The following PPP2R5C variants were observed in gnomAD, a reference collection of about 807,000 sequenced individuals.
PPP2R5C encodes protein phosphatase 2 regulatory subunit B'gamma, also known as serine/threonine-protein phosphatase 2A 56 kDa regulatory subunit gamma isoform.
PPP2R5C carries 7 observed loss-of-function variants against 68.9 expected under a neutral mutation model. The observed-to-expected ratio is 0.10, with a 90% CI of 0.06 to 0.19. The LOEUF is 0.19. Among genes scored for constraint, PPP2R5C ranks in the 10% least tolerant of loss-of-function variants. PPP2R5C has a pLI of 1.00. For synonymous variants in PPP2R5C, 210 were observed against 222.2 expected (o/e 0.95, Z 0.49); for missense variants, 348 against 641.3 (o/e 0.54, Z 4.94).
chr14:101,869,711 G>A (rs2043274922), intron 2 of PPP2R5C, among the ~76,000 whole-genome samples: 1 of 152,182 alleles, frequency 6.6e-6, no homozygotes, highest in African/African-American at 2.4e-5. Context: ...CTGGAGTGCA[G>A]TGGCTCAATC....
intron 1 of PPP2R5C, 38 bp downstream of exon 1, chr14:101,761,958 G>A: frequency 1.7e-6 from 2 of 1,191,618 alleles, no homozygotes; most frequent in Non-Finnish European, 2.1e-6. Context: ...AGGGAGCAGG[G>A]AGGGACTGCC....
chr14:101,911,165 C>T (rs1239532887), intron 11 of PPP2R5C, among the ~76,000 whole-genome samples: 1 of 151,158 alleles, frequency 6.6e-6, no homozygotes, highest in African/African-American at 2.4e-5. Flanking sequence ...GTAGTCCCAG[C>T]TACTCGGGCT....
rs1448367825 is a variant in PPP2R5C at position 101,825,575 on chromosome 14, C to T, written c.94+15539C>T. Among the ~76,000 whole-genome samples the T allele has an allele frequency of 2.0e-5, 3 of 152,166 alleles. No homozygotes were observed. Among genetic ancestry groups the T allele is most frequent in the Non-Finnish European group, 4.4e-5 (3 of 68,032 alleles). Reference sequence around the variant, plus strand: ...AGGCGGAACTGTGCAGGTCAGTCACCACTCCACCTCCTAGCCAGGGTGTCA... The same window carrying T: ...AGGCGGAACTGTGCAGGTCAGTCACTACTCCACCTCCTAGCCAGGGTGTCA... On this transcript the variant is annotated intron_variant, in intron 1 of 13. Coordinates refer to ENST00000334743, the Ensembl canonical transcript of PPP2R5C. This position sits in a 1 kb window ranked among gnomAD's most constrained non-coding sequence, Gnocchi z 4.0.
upstream of PPP2R5C, among the ~76,000 whole-genome samples, chr14:101,805,593 TAC>T (rs1234775733): frequency 6.6e-6 from 1 of 152,232 alleles, no homozygotes; most frequent in Non-Finnish European, 1.5e-5. Flanking sequence ...CATGAGCAGA[TAC>T]TTGTAGCCCC....
At chr14:101,900,139 G>A (rs1220188487) in intron 8 of PPP2R5C, among the ~76,000 whole-genome samples, 1 of 151,994 alleles carries the variant, frequency 6.6e-6, no homozygotes, top group Non-Finnish European at 1.5e-5. Flanking sequence ...CTCCCACCTC[G>A]ACCTCCCAAA....
chr14:101,874,719 C>G (rs2043642483), intron 2 of PPP2R5C, among the ~76,000 whole-genome samples: 1 of 151,934 alleles, frequency 6.6e-6, no homozygotes, highest in Non-Finnish European at 1.5e-5. Flanking sequence ...ATTAAGTATT[C>G]TACAAAGGTT....
At chr14:101,800,859 G>A (rs1295616216) in intron 3 of PPP2R5C, among the ~76,000 whole-genome samples, 10 of 152,118 alleles carry the variant, frequency 6.6e-5, no homozygotes, top group African/African-American at 2.4e-4. Context: ...CAAAATGTAG[G>A]ACATATAGAC....
At chr14:101,795,451 T>G (rs1041006202) in intron 3 of PPP2R5C, among the ~76,000 whole-genome samples, 5 of 152,220 alleles carry the variant, frequency 3.3e-5, no homozygotes, top group Non-Finnish European at 5.9e-5. Context: ...AAGATTATTC[T>G]GAATTAATGC....
At chr14:101,762,620 G>A (rs2036614235) in intron 1 of PPP2R5C, among the ~76,000 whole-genome samples, 1 of 152,036 alleles carries the variant, frequency 6.6e-6, no homozygotes, top group Non-Finnish European at 1.5e-5. Flanking sequence ...GATGTGATGT[G>A]GATCTCAAAA....
At chr14:101,815,339 TTTCTG>T in intron 1 of PPP2R5C, among the ~76,000 whole-genome samples, 1 of 152,284 alleles carries the variant, frequency 6.6e-6, no homozygotes, top group Middle Eastern at 3.4e-3. Context: ...TTTTTACTGT[TTTCTG>T]TACAGTGGTA....
chr14:101,810,090 T>C, intron 1 of PPP2R5C: 2 of 1,480,570 alleles, frequency 1.4e-6, no homozygotes, highest in African/African-American at 1.4e-5. Flanking sequence ...AGTTAATAAA[T>C]GGCTATTGTG....
chr14:101,827,491 A>G (rs886375174), intron 1 of PPP2R5C, among the ~76,000 whole-genome samples: 2 of 152,114 alleles, frequency 1.3e-5, no homozygotes, highest in Non-Finnish European at 2.9e-5. Flanking sequence ...CCAGCAGAGG[A>G]GAACTAATGG....
intron 3 of PPP2R5C, among the ~76,000 whole-genome samples, chr14:101,795,499 TAAATA>T (rs2038564895): frequency 2.0e-5 from 3 of 152,180 alleles, no homozygotes; most frequent in Admixed American, 2.0e-4. Flanking sequence ...GTGGAAGTGT[TAAATA>T]AAGAGACCTT....
At chr14:101,774,960 G>A (rs1038420931) in intron 2 of PPP2R5C, among the ~76,000 whole-genome samples, 27 of 152,332 alleles carry the variant, frequency 1.8e-4, no homozygotes, top group African/African-American at 3.8e-4. Flanking sequence ...ATAAACAGAC[G>A]TGAGTGTATG....
At chr14:101,768,090 C>T (rs565444343) in intron 2 of PPP2R5C, among the ~76,000 whole-genome samples, 5 of 152,346 alleles carry the variant, frequency 3.3e-5, no homozygotes, top group East Asian at 3.9e-4. Context: ...ACCAGCATCC[C>T]TGGCCTTACC....
At chr14:101,898,851 G>A (rs758578306) in intron 8 of PPP2R5C, among the ~76,000 whole-genome samples, 1 of 152,132 alleles carries the variant, frequency 6.6e-6, no homozygotes, top group Non-Finnish European at 1.5e-5. Context: ...AAACACAAAG[G>A]CCATTTTGTC....
intron 2 of PPP2R5C, among the ~76,000 whole-genome samples, chr14:101,775,135 G>A (rs919626863): frequency 6.6e-6 from 1 of 152,208 alleles, no homozygotes. Context: ...GCCATGGTCT[G>A]TGGAAGAGGT....
intron 5 of PPP2R5C, among the ~76,000 whole-genome samples, chr14:101,887,316 C>T (rs2044590706): frequency 6.6e-6 from 1 of 152,220 alleles, no homozygotes; most frequent in Non-Finnish European, 1.5e-5. Context: ...CACCCTGGCC[C>T]TGCAGCAAGG....
chr14:101,877,948 A>C lies in PPP2R5C; in HGVS notation c.295-4213A>C, dbSNP rs1304781745. Among the ~76,000 whole-genome samples, 2 of 152,170 alleles carry C rather than the reference A, an allele frequency of 1.3e-5. No homozygotes were observed. The highest frequency in any genetic ancestry group is 2.9e-5 in the Non-Finnish European group (2 of 68,012). ...ATCAGTCTGCTCAGGCTGCCGTAAG[A>C]AAATACCACAGGCTGGTGGCTTAAA... is the stretch of plus-strand genomic sequence containing the variant. On this transcript the variant is annotated intron_variant, in intron 2 of 13. Transcript: ENST00000334743. This position sits in a 1 kb window ranked among gnomAD's most constrained non-coding sequence, Gnocchi z 4.2.
Sources: allele counts gnomAD v4.1 joint callset (sites outside exome capture counted in the v4.1 genomes callset), GRCh38; gene constraint gnomAD v4.1.1; non-coding constraint Gnocchi (gnomAD v3.1); transcripts MANE v1.5; gene names NCBI Gene and HGNC (gene_info 2026-07-23, HGNC 2026-07-21).